The following MATN1 variants were observed in gnomAD, a reference collection of about 807,000 sequenced individuals.
The protein encoded by MATN1 is matrilin 1, also known as matrilin-1.
Under a neutral mutation model 41.3 loss-of-function variants are expected in MATN1, and 34 were observed. The observed-to-expected ratio is 0.82, with a 90% CI of 0.63 to 1.10. MATN1 has a LOEUF of 1.10. MATN1 is among the 50% of genes least tolerant of loss of function. MATN1 has a pLI of 0.00. For missense variants in MATN1, 602 were observed against 662.4 expected (o/e 0.91, Z 1.00); for synonymous variants, 264 against 278.7 (o/e 0.95, Z 0.53).
At chr1:30,719,273 G>T (rs1639667420) in intron 2 of MATN1, 1 of 342,904 alleles carries the variant, frequency 2.9e-6, no homozygotes, top group Non-Finnish European at 5.4e-6. Flanking sequence ...GCGGCTGAGG[G>T]CAGGGTCCTC....
At chr1:30,715,819 AGAC>A in intron 5 of MATN1, 87 bp downstream of exon 5, 1 of 1,352,548 alleles carries the variant, frequency 7.4e-7, no homozygotes, top group Non-Finnish European at 1.0e-6. Flanking sequence ...GGCACTAATC[AGAC>A]GACACCAAGA....
chr1:30,719,123 A>G, intron 2 of MATN1, 166 bp from the exon 3 acceptor site: 1 of 532,210 alleles, frequency 1.9e-6, no homozygotes, highest in Non-Finnish European at 3.3e-6. Context: ...GTTTCCTCTG[A>G]CTGAGAGACG....
At chr1:30,715,833 T>A in intron 5 of MATN1, 76 bp downstream of exon 5, 1 of 1,461,330 alleles carries the variant, frequency 6.8e-7, no homozygotes, top group Non-Finnish European at 9.3e-7. Context: ...GACACCAAGA[T>A]AAACTACAGT....
At chr1:30,714,744 G>A (rs184342917) in intron 6 of MATN1, among the ~76,000 whole-genome samples, 15 of 152,210 alleles carry the variant, frequency 9.9e-5, no homozygotes, top group South Asian at 2.1e-4. Flanking sequence ...GCCCAGGCAC[G>A]TCTGGCTCTG....
intron 3 of MATN1, among the ~76,000 whole-genome samples, chr1:30,717,663 T>TG (rs1307947721): frequency 1.4e-5 from 2 of 147,276 alleles, no homozygotes; most frequent in African/African-American, 2.6e-5. Flanking sequence ...TGTTTTGTTT[T>TG]TTTTTTGAGA....
chr1:30,723,133 A>G (rs1318468351), intron 1 of MATN1, among the ~76,000 whole-genome samples: 1 of 152,148 alleles, frequency 6.6e-6, no homozygotes, highest in Non-Finnish European at 1.5e-5. Context: ...GCTGTCATCA[A>G]AGAGCCATGG....
chr1:30,716,874 G>A lies in MATN1; in HGVS notation c.706C>T (p.Gln236Ter). ...LCATGDHDCE[Q>*]VCISSPGSYT... ...GAACCGGGGGAGCTGATGCACACCT[G>A]CTCACAGTCATGGTCCCCTGTGGCG... The change falls in exon 4 of 8, where the codon CAG becomes TAG. Residue 236 changes from glutamine (Q) to a stop codon, truncating the protein, a stop_gained. Transcript: ENST00000373765. LOFTEE classifies it high-confidence loss of function. 2 of 1,613,676 alleles carry A rather than the reference G, an allele frequency of 1.2e-6. No homozygotes were observed. Among genetic ancestry groups the A allele is most frequent in the Non-Finnish European group, 8.5e-7 (1 of 1,179,870 alleles).
At chr1:30,718,225 T>C (rs1264896293) in intron 3 of MATN1, among the ~76,000 whole-genome samples, 17 of 145,428 alleles carry the variant, frequency 1.2e-4, no homozygotes, top group Non-Finnish European at 2.3e-4. Context: ...CGACGCTGAC[T>C]TTTTCTGTCT....
At chr1:30,721,883 G>C in intron 1 of MATN1, 132 bp from the exon 2 acceptor site, 1 of 674,066 alleles carries the variant, frequency 1.5e-6, no homozygotes, top group Non-Finnish European at 2.5e-6. Flanking sequence ...ACTTCAGCTG[G>C]GCAGCTGAGC....
rs1373187536 is a variant in MATN1 at position 30,713,308 on chromosome 1, A to T, written c.*274T>A. On this transcript the variant is annotated 3_prime_UTR_variant, in exon 8 of 8. Coordinates refer to ENST00000373765, the MANE Select transcript of MATN1 (RefSeq NM_002379.3). ...AAAATGCAAACGCAGTCCCTCTCAC[A>T]CTCACCCCTGCATTATCACTCTCAC... 4.1e-6 allele frequency: 2 copies of T among 490,454 alleles called. No individual in the cohort carries two copies. The highest frequency in any genetic ancestry group is 7.4e-6 in the Non-Finnish European group (2 of 271,578). The allele number at this position is 490,454 out of a possible 1,614,324, so 30.4% of individuals were successfully genotyped here.
chr1:30,715,391 AG>A (rs1249640725), intron 5 of MATN1, 82 bp from the exon 6 acceptor site: 18 of 1,387,776 alleles, frequency 1.3e-5, no homozygotes, highest in Non-Finnish European at 1.8e-5. Context: ...AGGCTTAGGC[AG>A]CCAACACCAG....
rs34558595 is a variant in MATN1 at position 30,711,702 on chromosome 1, G to A, written c.*1880C>T. 0.11 allele frequency: 16,909 copies of A among 152,336 alleles called. 1,192 individuals carry two copies. The highest frequency in any genetic ancestry group is 0.2 in the Admixed American group (3,118 of 15,302). 9.4% of individuals were successfully genotyped at this position (152,336 alleles called of 1,614,324 possible). A position where few individuals can be genotyped will look rare whatever the true frequency, so the allele number is the denominator to read the frequency against. ...TGCCCGCCAGCTCCCAGGCCATGGC[G>A]TCCGCTAATGACCCTCTCCTCCTCC... On this transcript the variant is annotated 3_prime_UTR_variant, in exon 8 of 8. Coordinates refer to ENST00000373765, the MANE Select transcript of MATN1 (RefSeq NM_002379.3).
intron 7 of MATN1, chr1:30,714,019 C>T (rs886249197): frequency 6.7e-6 from 4 of 593,594 alleles, no homozygotes; most frequent in Admixed American, 3.0e-5. Context: ...TGTCCAGTCC[C>T]TAGATCCTGG....
chr1:30,713,260 A>G lies in MATN1; in HGVS notation c.*322T>C. 1 of 341,924 alleles carries G rather than the reference A, an allele frequency of 2.9e-6. No homozygotes were observed. 21.2% of individuals were successfully genotyped at this position (341,924 alleles called of 1,614,324 possible). A position where few individuals can be genotyped will look rare whatever the true frequency, so the allele number is the denominator to read the frequency against. On this transcript the variant is annotated 3_prime_UTR_variant, in exon 8 of 8. Transcript: ENST00000373765. ...GAAAGGGTTAACTAAAAAAGATGGG[A>G]ATATATTAAGCTTTTGATTATAAAA...
Position 30,716,219 on chromosome 1 carries a change from A to C in MATN1, c.897T>G (p.Ser299Arg). 1.2e-6 allele frequency: 2 copies of C among 1,614,126 alleles called. No homozygotes were observed. The highest frequency in any genetic ancestry group is 1.7e-6 in the Non-Finnish European group (2 of 1,180,026). ...ACACGTCCAGCGTATCCACGATCTG[A>C]CTGATGAACTTCTTCACCAGCTCAA... ...ENFELVKKFI[S>R]QIVDTLDVSD... The change falls in exon 5 of 8, where the codon AGT (serine) becomes AGG (arginine). Residue 299 changes from serine (S) to arginine (R), a missense_variant. Coordinates refer to ENST00000373765, the MANE Select transcript of MATN1 (RefSeq NM_002379.3).
At chr1:30,723,405 G>A (rs889217426) in intron 1 of MATN1, 53 bp downstream of exon 1, 43 of 1,351,108 alleles carry the variant, frequency 3.2e-5, no homozygotes, top group Non-Finnish European at 4.0e-5. Context: ...CCCCAGTGCT[G>A]AGGGTCAGGG....
chr1:30,717,057 C>T, intron 3 of MATN1, 142 bp from the exon 4 acceptor site: 2 of 908,796 alleles, frequency 2.2e-6, no homozygotes, highest in Non-Finnish European at 3.2e-6. Flanking sequence ...GGCCCAGGCC[C>T]CCGACTCTCA....
rs1313802600 is a variant in MATN1, at chr1:30,715,230, C to T, written c.1287G>A (p.Glu429=). The T allele has an allele frequency of 4.3e-6, 7 of 1,614,206 alleles. No homozygotes were observed. The Admixed American group carries it at 1.2e-4, about 27-fold the overall frequency. ...TGAAGTCAGCCGTGTAGAAGTAGTG[C>T]TCTGCCACAGGCTCTGAGGCTATTT... The part of the protein sequence containing the change: ...LREIASEPVA[E]HYFYTADFKT... The change falls in exon 6 of 8, where the codon GAG becomes GAA. Residue 429 remains glutamate, a synonymous_variant. Transcript: ENST00000373765.
rs761131517 is a variant in MATN1, at chr1:30,716,830, G to A, written c.750C>T (p.His250=). Reference sequence around the variant, plus strand: ...CGTCGCTGTTCAGAGTGAAGCCCTCGTGGCAGGCGCAGGTGTAGGAACCGG... The same window carrying A: ...CGTCGCTGTTCAGAGTGAAGCCCTCATGGCAGGCGCAGGTGTAGGAACCGG... The part of the protein sequence containing the change: ...SSPGSYTCAC[H]EGFTLNSDGK... The change falls in exon 4 of 8, where the codon CAC becomes CAT. Residue 250 remains histidine (H), a synonymous_variant. Transcript: ENST00000373765. 1.7e-5 allele frequency: 28 copies of A among 1,613,872 alleles called. No individual in the cohort carries two copies. Among genetic ancestry groups the A allele is most frequent in the South Asian group, 4.4e-5 (4 of 91,072 alleles).
Sources: allele counts gnomAD v4.1 joint callset (sites outside exome capture counted in the v4.1 genomes callset), GRCh38; gene constraint gnomAD v4.1.1; transcripts MANE v1.5; gene names NCBI Gene and HGNC (gene_info 2026-07-23, HGNC 2026-07-21).